ITGA2: variants seen among roughly 807,000 people sequenced by gnomAD.
ITGA2 encodes the protein integrin subunit alpha 2, also known as integrin alpha-2.
A neutral mutation model predicts 146.3 loss-of-function variants in ITGA2; 101 were observed. The observed-to-expected ratio is 0.69, with a 90% CI of 0.59 to 0.81. ITGA2 has a LOEUF of 0.81. Ranked by LOEUF, ITGA2 falls within the 40% of genes least tolerant of loss-of-function variation. ITGA2 has a pLI of 0.00. For synonymous variants in ITGA2, 477 were observed against 487.1 expected (o/e 0.98, Z 0.27); for missense variants, 1,281 against 1,402.7 (o/e 0.91, Z 1.39).
intron 29 of ITGA2, 69 bp downstream of exon 29, chr5:53,090,131 T>TC: frequency 1.1e-6 from 1 of 928,264 alleles, no homozygotes; most frequent in South Asian, 1.3e-5. Context: ...TTACAAAACA[T>TC]CAACTTCAGG....
In ITGA2 at chr5:53,073,356, AC is replaced by A. The variant is rs1745494262; in HGVS notation, c.2571+100del. On this transcript the variant is annotated intron_variant, in intron 20 of 29. Coordinates refer to ENST00000296585, the MANE Select transcript of ITGA2 (RefSeq NM_002203.4). ...CTGAGTTGTTTAAAGAAGCACCTTA[AC>A]CCTCAACATGATCAATCTGAACTTT... 11 of 1,298,040 alleles carry A rather than the reference AC, an allele frequency of 8.5e-6. No individual in the cohort carries two copies. In the East Asian group the frequency reaches 2.5e-4, roughly 30 times the overall value. 80.4% of individuals were successfully genotyped at this position (1,298,040 alleles called of 1,614,324 possible).
intron 23 of ITGA2, among the ~76,000 whole-genome samples, chr5:53,075,832 C>G (rs2112010123): frequency 6.6e-6 from 1 of 152,034 alleles, no homozygotes; most frequent in South Asian, 2.1e-4. Flanking sequence ...GGGAAAAATT[C>G]CTCACATATC....
chr5:52,995,933 C>T (rs1741221407), intron 1 of ITGA2, among the ~76,000 whole-genome samples: 2 of 152,102 alleles, frequency 1.3e-5, no homozygotes. Context: ...ACTGCAAGAA[C>T]TGGGGTAGCA....
At chr5:53,003,761 A>G (rs1036951023) in intron 1 of ITGA2, among the ~76,000 whole-genome samples, 5 of 152,186 alleles carry the variant, frequency 3.3e-5, no homozygotes, top group African/African-American at 1.2e-4. Flanking sequence ...ATTTTTAAAC[A>G]AAGTAGTAAC....
chr5:52,996,262 T>C (rs944907024), intron 1 of ITGA2, among the ~76,000 whole-genome samples: 2 of 152,214 alleles, frequency 1.3e-5, no homozygotes, highest in Non-Finnish European at 2.9e-5. Context: ...GGTACACTTG[T>C]AATGTTTTAA....
At chr5:53,068,192 G>C (rs1243626615) in intron 16 of ITGA2, among the ~76,000 whole-genome samples, 3 of 151,892 alleles carry the variant, frequency 2.0e-5, no homozygotes, top group African/African-American at 7.2e-5. Context: ...CAAATAAGAT[G>C]AGAACACAAA....
At chr5:53,066,240 T>C (rs1464636843) in intron 15 of ITGA2, among the ~76,000 whole-genome samples, 4 of 151,910 alleles carry the variant, frequency 2.6e-5, no homozygotes, top group African/African-American at 9.7e-5. Flanking sequence ...GGAAATGGTA[T>C]CCAGGCTATT....
At chr5:53,063,329 CAGA>C in intron 13 of ITGA2, among the ~76,000 whole-genome samples, 1 of 151,942 alleles carries the variant, frequency 6.6e-6, no homozygotes, top group South Asian at 2.1e-4. Context: ...CAGTGAAAAA[CAGA>C]AGTTTTACCA....
chr5:53,072,394 G>T (rs117017311), intron 18 of ITGA2, among the ~76,000 whole-genome samples: 1 of 150,398 alleles, frequency 6.6e-6, no homozygotes, highest in African/African-American at 2.4e-5. Flanking sequence ...AGCTGTCCCC[G>T]CCATAGACAC....
chr5:53,029,262 A>G (rs1378134534), intron 2 of ITGA2, among the ~76,000 whole-genome samples: 2 of 151,946 alleles, frequency 1.3e-5, no homozygotes, highest in African/African-American at 4.8e-5. Context: ...ACAGAGTGAG[A>G]CTCCATCTCA....
At chr5:53,030,116 G>A (rs1743153977) in intron 2 of ITGA2, among the ~76,000 whole-genome samples, 1 of 152,218 alleles carries the variant, frequency 6.6e-6, no homozygotes, top group Admixed American at 6.5e-5. Flanking sequence ...AAGACGAAAA[G>A]GGACACAGAG....
At chr5:53,068,039 G>A (rs1045362049) in intron 16 of ITGA2, among the ~76,000 whole-genome samples, 6 of 151,866 alleles carry the variant, frequency 4.0e-5, no homozygotes, top group African/African-American at 1.2e-4. Context: ...GCTGCTTCAT[G>A]GGTCCCAATT....
chr5:53,040,277 T>A (rs953281016), intron 2 of ITGA2, among the ~76,000 whole-genome samples: 1 of 152,170 alleles, frequency 6.6e-6, no homozygotes. Context: ...TTTTACACTT[T>A]AAGATATGTC....
intron 28 of ITGA2, among the ~76,000 whole-genome samples, chr5:53,088,766 C>G (rs1315090287): frequency 6.6e-6 from 1 of 150,786 alleles, no homozygotes; most frequent in East Asian, 1.9e-4. Context: ...CTTAATATTA[C>G]TCAGTTGTGT....
rs202058704 is a variant in ITGA2, at chr5:53,055,527, A to T, written c.780-11A>T. The T allele has an allele frequency of 1.2e-4, 200 of 1,612,216 alleles. 1 individual carries two copies. The Middle Eastern group carries it at 8.3e-3, about 67-fold the overall frequency. ...TGATAGCAAGTCTTTATTTAATTTT[A>T]TCTGCCACAGAAAATATGCTTATTC... On this transcript the variant is annotated splice_polypyrimidine_tract_variant and intron_variant, in intron 7 of 29. Coordinates refer to ENST00000296585, the MANE Select transcript of ITGA2 (RefSeq NM_002203.4).
At chr5:52,990,868 A>G (rs138293202) in intron 1 of ITGA2, among the ~76,000 whole-genome samples, 1 of 152,316 alleles carries the variant, frequency 6.6e-6, no homozygotes, top group Non-Finnish European at 1.5e-5. Flanking sequence ...GATTTCAGGT[A>G]AAGTTGTACT....
At chr5:53,062,761 A>G in intron 12 of ITGA2, 25 bp from the exon 13 acceptor site, 1 of 1,607,818 alleles carries the variant, frequency 6.2e-7, no homozygotes, top group Non-Finnish European at 8.5e-7. Flanking sequence ...AGGAATTCTA[A>G]GTTTAACATG....
rs1745936540 is a variant in ITGA2, at chr5:53,081,811, T to G, written c.3144+115T>G. 4.2e-6 allele frequency: 3 copies of G among 713,752 alleles called. No homozygotes were observed. In the African/African-American group the frequency reaches 5.4e-5, roughly 13 times the overall value. 44.2% of individuals were successfully genotyped at this position (713,752 alleles called of 1,614,324 possible). On this transcript the variant is annotated intron_variant, in intron 26 of 29. Coordinates refer to ENST00000296585, the MANE Select transcript of ITGA2 (RefSeq NM_002203.4). ...TAGAGCTTTCTTATTTTGCCTTTGA[T>G]GCTTATATGAGTCAAGATTTAGAAA...
At chr5:53,023,868 A>T (rs1742806208) in intron 1 of ITGA2, among the ~76,000 whole-genome samples, 1 of 152,218 alleles carries the variant, frequency 6.6e-6, no homozygotes, top group African/African-American at 2.4e-5. Context: ...GATGACAGAG[A>T]TCTGAATTGT....
Sources: allele counts gnomAD v4.1 joint callset (sites outside exome capture counted in the v4.1 genomes callset), GRCh38; gene constraint gnomAD v4.1.1; transcripts MANE v1.5; gene names NCBI Gene and HGNC (gene_info 2026-07-23, HGNC 2026-07-21).